RANBP2: variants seen among roughly 807,000 people sequenced by gnomAD.
RANBP2 encodes E3 SUMO-protein ligase RanBP2.
In RANBP2, 57 loss-of-function variants were observed where a neutral mutation model predicts 303.6. The observed-to-expected ratio is 0.19, with a 90% CI of 0.15 to 0.23. The LOEUF is 0.23. Ranked by LOEUF, RANBP2 falls within the 10% of genes least tolerant of loss-of-function variation. The pLI, the probability that RANBP2 is intolerant of heterozygous loss-of-function variation, is 1.00. For missense variants in RANBP2, 3,138 were observed against 3,780.8 expected (o/e 0.83, Z 4.46); for synonymous variants, 1,167 against 1,301.5 (o/e 0.90, Z 2.23).
chr2:109,569,485 T>G, the RANBP2 span, among the ~76,000 whole-genome samples: 1 of 151,996 alleles, frequency 6.6e-6, no homozygotes, highest in Admixed American at 6.6e-5. Flanking sequence ...ATTCTAAATT[T>G]TTTTATCTTC....
chr2:109,532,360 A>C, the RANBP2 span, among the ~76,000 whole-genome samples: 6 of 152,192 alleles, frequency 3.9e-5, no homozygotes, highest in Non-Finnish European at 8.8e-5. Flanking sequence ...TTATACTTCC[A>C]AAGCCCTAGA....
At chr2:108,729,082 T>C in intron 1 of RANBP2, 50 bp from the exon 2 acceptor site, 1 of 1,538,746 alleles carries the variant, frequency 6.5e-7, no homozygotes, top group Admixed American at 1.8e-5. Flanking sequence ...TGAAAAAATG[T>C]TGGAAAATAT....
At chr2:108,729,553 A>C (rs532557324) in intron 2 of RANBP2, among the ~76,000 whole-genome samples, 1 of 152,334 alleles carries the variant, frequency 6.6e-6, no homozygotes, top group East Asian at 1.9e-4. Flanking sequence ...GCAATGAATA[A>C]AAAATTAAAC....
chr2:109,679,255 G>A, the RANBP2 span, among the ~76,000 whole-genome samples: 4 of 152,338 alleles, frequency 2.6e-5, no homozygotes, highest in African/African-American at 4.8e-5. Context: ...TTGTTTGACC[G>A]TGGCAGGGAA....
At chr2:109,437,053 G>A in the RANBP2 span, 4 of 1,613,610 alleles carry the variant, frequency 2.5e-6, no homozygotes, top group South Asian at 1.1e-5. Flanking sequence ...CCAGGCCCAC[G>A]CCCAGCACCC....
the RANBP2 span, chr2:109,564,357 C>G: frequency 6.5e-7 from 1 of 1,528,256 alleles, no homozygotes; most frequent in South Asian, 1.3e-5. Flanking sequence ...CCCAAGAACC[C>G]CACCCTACCT....
At chr2:109,614,561 G>T in the RANBP2 span, 14 of 1,332,944 alleles carry the variant, frequency 1.1e-5, no homozygotes, top group Non-Finnish European at 1.3e-5. Flanking sequence ...TCCTGGCGGA[G>T]CGCGGGGGCC....
chr2:108,969,012 C>G, the RANBP2 span, among the ~76,000 whole-genome samples: 1 of 152,178 alleles, frequency 6.6e-6, no homozygotes, highest in Non-Finnish European at 1.5e-5. Context: ...CAGAAGCTCC[C>G]GGAATCAGCA....
the RANBP2 span, among the ~76,000 whole-genome samples, chr2:109,411,341 T>C: frequency 1.3e-5 from 2 of 152,228 alleles, no homozygotes; most frequent in Non-Finnish European, 2.9e-5. Context: ...CTGCAGTTAG[T>C]TCCTGCCAGG....
the RANBP2 span, among the ~76,000 whole-genome samples, chr2:109,031,582 A>G: frequency 6.6e-6 from 1 of 152,098 alleles, no homozygotes; most frequent in Admixed American, 6.5e-5. Context: ...GCCTGGCCCC[A>G]CGTGCGGCGA....
the RANBP2 span, among the ~76,000 whole-genome samples, chr2:109,185,834 C>T: frequency 5.3e-5 from 8 of 152,330 alleles, no homozygotes; most frequent in Middle Eastern, 3.4e-3. Context: ...AGAAATGAGG[C>T]GACAGTGTCT....
the RANBP2 span, among the ~76,000 whole-genome samples, chr2:109,269,632 A>G: frequency 6.6e-6 from 1 of 152,282 alleles, no homozygotes; most frequent in East Asian, 1.9e-4. Context: ...AATAAAAAAA[A>G]TAGCCGGACA....
the RANBP2 span, among the ~76,000 whole-genome samples, chr2:109,377,185 G>A: frequency 6.6e-6 from 1 of 152,196 alleles, no homozygotes; most frequent in Non-Finnish European, 1.5e-5. Flanking sequence ...CTTTTCAGGG[G>A]CATGTGATGG....
the RANBP2 span, among the ~76,000 whole-genome samples, chr2:109,450,674 G>A: frequency 0.64 from 97,346 of 151,846 alleles, 31,412 homozygotes; most frequent in African/African-American, 0.69. Flanking sequence ...TTTTTTTTAC[G>A]TGAAGTTTTT....
At chr2:108,748,711 G>T (rs1399188495) in intron 8 of RANBP2, among the ~76,000 whole-genome samples, 2 of 152,064 alleles carry the variant, frequency 1.3e-5, no homozygotes, top group Admixed American at 1.3e-4. Flanking sequence ...CCCTTCTGCT[G>T]TCTTATGTAG....
At chr2:108,809,124 G>A in the RANBP2 span, among the ~76,000 whole-genome samples, 1 of 152,214 alleles carries the variant, frequency 6.6e-6, no homozygotes, top group East Asian at 1.9e-4. Context: ...TCAGTTGGCT[G>A]TAAATGTGTG....
the RANBP2 span, among the ~76,000 whole-genome samples, chr2:109,442,672 TAATAA>T: frequency 6.2e-4 from 95 of 152,176 alleles, no homozygotes; most frequent in African/African-American, 2.2e-3. Context: ...TAAATGACTA[TAATAA>T]AATAAAGATG....
the RANBP2 span, among the ~76,000 whole-genome samples, chr2:109,418,154 G>A: frequency 6.6e-6 from 1 of 152,172 alleles, no homozygotes. Flanking sequence ...GCCTGGCCCC[G>A]TCCTGTGCTC....
chr2:108,980,996 G>A, the RANBP2 span, among the ~76,000 whole-genome samples: 1 of 152,082 alleles, frequency 6.6e-6, no homozygotes, highest in Non-Finnish European at 1.5e-5. Context: ...ATGACTGCCA[G>A]GCAGAGGTTG....
Sources: allele counts gnomAD v4.1 joint callset (sites outside exome capture counted in the v4.1 genomes callset), GRCh38; gene constraint gnomAD v4.1.1; transcripts MANE v1.5; gene names NCBI Gene and HGNC (gene_info 2026-07-23, HGNC 2026-07-21).